The following GLI2 variants were observed in gnomAD, a reference collection of about 807,000 sequenced individuals.
The protein encoded by GLI2 is transcription activator GLI2.
A neutral mutation model predicts 78.9 loss-of-function variants in GLI2; 22 were observed. The observed-to-expected ratio is 0.28, with a 90% CI of 0.20 to 0.40. The LOEUF is 0.40. Ranked by LOEUF, GLI2 falls within the 10% of genes least tolerant of loss-of-function variation. GLI2 has a pLI of 1.00. For missense variants in GLI2, 2,097 were observed against 2,213.2 expected, an observed-to-expected ratio of 0.95 and a Z score of 1.05; for synonymous variants, 974 against 963.7, an observed-to-expected ratio of 1.01 and a Z score of -0.20.
chr2:120,884,646 C>T (rs1677308156), intron 2 of GLI2, among the ~76,000 whole-genome samples: 1 of 152,156 alleles, frequency 6.6e-6, no homozygotes, highest in Non-Finnish European at 1.5e-5. Context: ...ACAGCTTGGG[C>T]CTGGGTTGAG....
intron 11 of GLI2, among the ~76,000 whole-genome samples, chr2:120,983,144 T>C (rs915195314): frequency 2.0e-5 from 3 of 152,104 alleles, no homozygotes; most frequent in African/African-American, 7.2e-5. Context: ...AATTTCCTTA[T>C]CTCCATAATA....
chr2:120,859,442 A>T, intron 2 of GLI2, among the ~76,000 whole-genome samples: 1 of 143,806 alleles, frequency 7.0e-6, no homozygotes, highest in East Asian at 2.2e-4. Flanking sequence ...AGCCCTACAG[A>T]TACTCCCTCC....
chr2:120,781,901 T>C (rs1683860699), intron 1 of GLI2, among the ~76,000 whole-genome samples: 1 of 151,814 alleles, frequency 6.6e-6, no homozygotes, highest in South Asian at 2.1e-4. Flanking sequence ...AAAAGAACAT[T>C]ACCAAAAATC....
At chr2:120,974,779 AGTGTGTGT>A (rs3043526) in intron 8 of GLI2, 188 bp from the exon 9 acceptor site, 17 of 649,130 alleles carry the variant, frequency 2.6e-5, no homozygotes, top group Admixed American at 4.3e-5. Flanking sequence ...AAGGCTGATG[AGTGTGTGT>A]GTGTGTGTGT....
In GLI2 at chr2:120,767,295, G is replaced by C. The variant is rs1377252223; in HGVS notation, c.-30-29996G>C. 2.0e-5 allele frequency among the ~76,000 whole-genome samples: 3 copies of C among 151,854 alleles called. No individual in the cohort carries two copies. The South Asian group carries it at 6.3e-4, about 32-fold the overall frequency. On this transcript the variant is annotated intron_variant, in intron 1 of 13. Coordinates refer to ENST00000361492, the MANE Select transcript of GLI2 (RefSeq NM_001374353.1). The stretch of plus-strand genomic sequence containing the variant: ...TTTCCAAGGGTACAGCTGAGTGAGA[G>C]GCCGGGCTCTTGGATGTGCTGAGCA...
intron 4 of GLI2, among the ~76,000 whole-genome samples, chr2:120,952,304 G>A (rs2104954420): frequency 6.6e-6 from 1 of 152,324 alleles, no homozygotes; most frequent in Non-Finnish European, 1.5e-5. Context: ...GACCTCTCAG[G>A]CTAGAGGACA....
chr2:120,814,302 A>T (rs1027093730), intron 2 of GLI2, among the ~76,000 whole-genome samples: 2 of 152,204 alleles, frequency 1.3e-5, no homozygotes, highest in African/African-American at 2.4e-5. Flanking sequence ...TGGGGGTGGT[A>T]AGTGCTGATC....
intron 1 of GLI2, among the ~76,000 whole-genome samples, chr2:120,788,290 G>T (rs541665153): frequency 6.6e-6 from 1 of 152,350 alleles, no homozygotes; most frequent in African/African-American, 2.4e-5. Flanking sequence ...GCACAAAGAG[G>T]TTGGTGAGCT....
intron 2 of GLI2, among the ~76,000 whole-genome samples, chr2:120,888,771 C>T (rs559011930): frequency 6.6e-6 from 1 of 152,302 alleles, no homozygotes; most frequent in South Asian, 2.1e-4. Flanking sequence ...AGGGTCGCTG[C>T]TTGCATGTTC....
chr2:120,736,465 C>T (rs1046396671), intron 1 of GLI2, among the ~76,000 whole-genome samples, 180 bp downstream of exon 1: 2 of 151,888 alleles, frequency 1.3e-5, no homozygotes, highest in African/African-American at 2.4e-5. Flanking sequence ...TAGGCGCGAC[C>T]CCGCCTGGGG....
At chr2:120,823,859 C>T (rs1454607116) in intron 2 of GLI2, among the ~76,000 whole-genome samples, 1 of 152,216 alleles carries the variant, frequency 6.6e-6, no homozygotes, top group African/African-American at 2.4e-5. Flanking sequence ...GGAGGGGTTT[C>T]CTTTCTGCAC....
chr2:120,770,065 C>T (rs72835530), intron 1 of GLI2, among the ~76,000 whole-genome samples: 22,394 of 152,098 alleles, frequency 0.15, 1,693 homozygotes, highest in Middle Eastern at 0.21. Flanking sequence ...TGGCCCCAGC[C>T]CCTAGTGATA....
Position 120,975,632 on chromosome 2 carries a change from G to C in GLI2, c.1317+523G>C, listed in dbSNP as rs142201983. Among the ~76,000 whole-genome samples the C allele has an allele frequency of 1.6e-3, 239 of 152,300 alleles. 2 individuals carry two copies. Among genetic ancestry groups the C allele is most frequent in the African/African-American group, 5.1e-3 (212 of 41,570 alleles). ...TGGGCGTCTACACCCAGATCAGAGA[G>C]GAGGTTGCTTAACAGTGCCTGAGTA... On this transcript the variant is annotated intron_variant, in intron 9 of 13. Transcript: ENST00000361492.
Position 120,935,249 on chromosome 2 carries a change from G to A in GLI2, c.254+7783G>A, listed in dbSNP as rs571368563. Among the ~76,000 whole-genome samples, 13 of 152,254 alleles carry A rather than the reference G, an allele frequency of 8.5e-5. No individual in the cohort carries two copies. The South Asian group carries it at 2.1e-3, about 24-fold the overall frequency. On this transcript the variant is annotated intron_variant, in intron 3 of 13. Coordinates refer to ENST00000361492, the MANE Select transcript of GLI2 (RefSeq NM_001374353.1). ...CAACTTGTCCTTCCTTTCCACGTGG[G>A]TCCACACTGCCTCTCCATCTCCAGG...
At chr2:120,845,804 T>G (rs1687089350) in intron 2 of GLI2, among the ~76,000 whole-genome samples, 1 of 152,232 alleles carries the variant, frequency 6.6e-6, no homozygotes, top group African/African-American at 2.4e-5. Flanking sequence ...TTCCAGGTAT[T>G]GTGCCTGGAA....
chr2:120,876,465 C>T (rs772051499), intron 2 of GLI2, among the ~76,000 whole-genome samples: 4 of 152,200 alleles, frequency 2.6e-5, no homozygotes, highest in East Asian at 1.9e-4. Flanking sequence ...ACACTTCCCC[C>T]GGAAGCTCAC....
intron 1 of GLI2, among the ~76,000 whole-genome samples, chr2:120,777,542 G>A (rs1683718555): frequency 6.6e-6 from 1 of 151,920 alleles, no homozygotes; most frequent in Non-Finnish European, 1.5e-5. Flanking sequence ...GGCAGGTGCA[G>A]CAGCAGCTGG....
chr2:120,845,482 C>G (rs527398678), intron 2 of GLI2, among the ~76,000 whole-genome samples: 1 of 152,214 alleles, frequency 6.6e-6, no homozygotes, highest in Admixed American at 6.5e-5. Context: ...GACTTTCTGC[C>G]GTGCTCACAT....
intron 2 of GLI2, among the ~76,000 whole-genome samples, chr2:120,798,395 G>C (rs1573391626): frequency 6.6e-6 from 1 of 152,352 alleles, no homozygotes; most frequent in East Asian, 1.9e-4. Flanking sequence ...GATGATGCTG[G>C]GGCTGCTGGT....
Sources: allele counts gnomAD v4.1 joint callset (sites outside exome capture counted in the v4.1 genomes callset), GRCh38; gene constraint gnomAD v4.1.1; transcripts MANE v1.5; gene names NCBI Gene and HGNC (gene_info 2026-07-23, HGNC 2026-07-21).